SLC6A6: variants seen among roughly 807,000 people sequenced by gnomAD.
The protein encoded by SLC6A6 is solute carrier family 6 member 6, also known as sodium- and chloride-dependent taurine transporter.
Under a neutral mutation model 68.8 loss-of-function variants are expected in SLC6A6, and 16 were observed. The ratio of observed to expected loss-of-function variants is 0.23; its 90% CI spans 0.16 to 0.35. The LOEUF (loss-of-function observed/expected upper bound fraction) is 0.35, where lower values mean the gene tolerates loss of function less well. Ranked by LOEUF, SLC6A6 falls within the 10% of genes least tolerant of loss-of-function variation. SLC6A6 has a pLI of 1.00. For synonymous variants in SLC6A6, 312 were observed against 315.4 expected (o/e 0.99, Z 0.12); for missense variants, 474 against 802.8 (o/e 0.59, Z 4.95).
intron 6 of SLC6A6, 120 bp downstream of exon 6, chr3:14,458,202 C>A: frequency 1.1e-6 from 1 of 879,166 alleles, no homozygotes; most frequent in Non-Finnish European, 1.9e-6. Flanking sequence ...TGGTGGCGTG[C>A]TGGTAAGCCC....
chr3:14,474,256 C>A (rs1268956678), intron 10 of SLC6A6, among the ~76,000 whole-genome samples: 1 of 152,170 alleles, frequency 6.6e-6, no homozygotes, highest in East Asian at 1.9e-4. Flanking sequence ...TTTGCAGATG[C>A]CAGCAGTGTG....
At chr3:14,467,748 C>T (rs757302572) in intron 7 of SLC6A6, 105 bp from the exon 8 acceptor site, 29 of 664,628 alleles carry the variant, frequency 4.4e-5, no homozygotes, top group South Asian at 5.6e-5. Context: ...TGCAAGGTCC[C>T]GTCCCCAGGC....
In SLC6A6 at chr3:14,477,963, C is replaced by T. The variant is rs1184622691; in HGVS notation, c.1348-503C>T. ...GATTGTACTAAGAATGGAAGCCTAG[C>T]ATCAAAGCCAGGGCACGCTCTCTCC... On this transcript the variant is annotated intron_variant, in intron 11 of 14. Coordinates refer to ENST00000622186, the MANE Select transcript of SLC6A6 (RefSeq NM_003043.6). This position sits in a 1 kb window ranked among gnomAD's most constrained non-coding sequence, Gnocchi z 4.2. Among the ~76,000 whole-genome samples the T allele has an allele frequency of 6.6e-6, 1 of 152,118 alleles. No individual in the cohort carries two copies. Among genetic ancestry groups the T allele is most frequent in the Non-Finnish European group, 1.5e-5 (1 of 68,014 alleles).
intron 2 of SLC6A6, among the ~76,000 whole-genome samples, chr3:14,430,192 T>C (rs1185646335): frequency 6.6e-6 from 1 of 152,138 alleles, no homozygotes; most frequent in African/African-American, 2.4e-5. Flanking sequence ...AGCCTGGGAT[T>C]CCAAGAGGAG....
chr3:14,436,703 A>G (rs1699864343), intron 2 of SLC6A6, among the ~76,000 whole-genome samples: 1 of 152,040 alleles, frequency 6.6e-6, no homozygotes, highest in African/African-American at 2.4e-5. Flanking sequence ...ACAGTGGTCC[A>G]GGGAGCCCCA....
intron 1 of SLC6A6, among the ~76,000 whole-genome samples, chr3:14,403,789 C>T (rs943071921): frequency 2.6e-5 from 4 of 152,254 alleles, no homozygotes; most frequent in Admixed American, 6.5e-5. Context: ...GGAAGCCACA[C>T]AGAGAGAATT....
At position 14,468,331 on chromosome 3, in the gene SLC6A6, A is replaced by T; in HGVS notation, c.1096+119A>T. Reference sequence around the variant, plus strand: ...AGGGGGGACGAGCCTGGTTTCTAAAATGGACCCCCCCCCCGCCACCAAGAT... The same window carrying T: ...AGGGGGGACGAGCCTGGTTTCTAAATTGGACCCCCCCCCCGCCACCAAGAT... On this transcript the variant is annotated intron_variant, in intron 9 of 14. Coordinates refer to ENST00000622186, the MANE Select transcript of SLC6A6 (RefSeq NM_003043.6). The surrounding 1 kb of genome is among the most constrained non-coding windows in gnomAD (Gnocchi z 4.5). 6.2e-6 allele frequency: 5 copies of T among 806,266 alleles called. No individual in the cohort carries two copies. Among genetic ancestry groups the T allele is most frequent in the Non-Finnish European group, 7.2e-6 (4 of 552,548 alleles). The allele number at this position is 806,266 out of a possible 1,614,324, so 49.9% of individuals were successfully genotyped here.
At chr3:14,479,745 C>T (rs749876834) in intron 13 of SLC6A6, among the ~76,000 whole-genome samples, 6 of 152,190 alleles carry the variant, frequency 3.9e-5, no homozygotes, top group Non-Finnish European at 5.9e-5. Flanking sequence ...GTTCTTCCCA[C>T]GAGGATGCTC....
In SLC6A6 at chr3:14,445,879, G is replaced by C. The variant is rs372224350; in HGVS notation, c.364+28G>C. On this transcript the variant is annotated intron_variant, in intron 4 of 14. Transcript: ENST00000622186. The stretch of plus-strand genomic sequence containing the variant: ...GAGTATGGGACGGAGGTCACTTGGG[G>C]CCTGGCACTCATCAGTTCCACACAT... The C allele has an allele frequency of 1.1e-4, 178 of 1,612,516 alleles. No individual in the cohort carries two copies. In the African/African-American group the frequency reaches 2.0e-3, roughly 18 times the overall value.
chr3:14,404,798 AGGTCCTG>A lies in SLC6A6; in HGVS notation c.-54+1956_-54+1962del, dbSNP rs201564225. Among the ~76,000 whole-genome samples, 118 of 152,362 alleles carry A rather than the reference AGGTCCTG, an allele frequency of 7.7e-4. 1 individual carries two copies. The East Asian group carries it at 0.019, about 25-fold the overall frequency. On this transcript the variant is annotated intron_variant, in intron 1 of 14. Transcript: ENST00000622186. ...GAGCTGCTGATTAGAGGGTGTCACG[AGGTCCTG>A]GGTCACTGTGGTGTATGGCAAGGGC...
At chr3:14,436,672 C>T (rs1699863747) in intron 2 of SLC6A6, among the ~76,000 whole-genome samples, 1 of 150,406 alleles carries the variant, frequency 6.6e-6, no homozygotes, top group African/African-American at 2.5e-5. Flanking sequence ...TGAGCCTGTA[C>T]CTAGCCCAGA....
At chr3:14,422,109 G>A (rs996903493) in intron 2 of SLC6A6, among the ~76,000 whole-genome samples, 18 of 152,280 alleles carry the variant, frequency 1.2e-4, no homozygotes, top group African/African-American at 4.3e-4. Flanking sequence ...TGTGTTCTAA[G>A]TCAGTGGACA....
chr3:14,448,716 C>T (rs1559301060), intron 5 of SLC6A6, among the ~76,000 whole-genome samples: 1 of 152,336 alleles, frequency 6.6e-6, no homozygotes, highest in Admixed American at 6.5e-5. Context: ...TCAGTAACTA[C>T]AGGGAGGATA....
At chr3:14,420,596 T>C (rs1699464475) in intron 2 of SLC6A6, among the ~76,000 whole-genome samples, 1 of 151,508 alleles carries the variant, frequency 6.6e-6, no homozygotes, top group African/African-American at 2.4e-5. Context: ...ACTCAAGCCT[T>C]CCTCCCACCT....
At chr3:14,444,640 T>A (rs1700070249) in intron 3 of SLC6A6, 2 of 427,618 alleles carry the variant, frequency 4.7e-6, no homozygotes, top group Non-Finnish European at 9.5e-6. Context: ...CAAAGGCTTG[T>A]GTGTCAGCAG....
chr3:14,462,967 C>G (rs1362073617), intron 6 of SLC6A6, among the ~76,000 whole-genome samples: 1 of 152,142 alleles, frequency 6.6e-6, no homozygotes, highest in African/African-American at 2.4e-5. Context: ...TGGGGAGATA[C>G]GTGGCCTGTA....
intron 2 of SLC6A6, among the ~76,000 whole-genome samples, chr3:14,429,842 G>C (rs1184330125): frequency 7.2e-5 from 11 of 152,238 alleles, no homozygotes. Flanking sequence ...TACAGATTAT[G>C]AGGCCCGCTT....
chr3:14,438,204 A>G lies in SLC6A6; in HGVS notation c.-11-5420A>G, dbSNP rs1379754459. Among the ~76,000 whole-genome samples, 3 of 148,474 alleles carry G rather than the reference A, an allele frequency of 2.0e-5. No individual in the cohort carries two copies. The Admixed American group carries it at 2.0e-4, about 10-fold the overall frequency. On this transcript the variant is annotated intron_variant, in intron 2 of 14. Coordinates refer to ENST00000622186, the MANE Select transcript of SLC6A6 (RefSeq NM_003043.6). Reference sequence around the variant, plus strand: ...AATGGTTGCCACAAAGTATAATAGAATTGCAATGTGGCTGTTTTTTTTTTT... The same window carrying G: ...AATGGTTGCCACAAAGTATAATAGAGTTGCAATGTGGCTGTTTTTTTTTTT...
chr3:14,466,391 C>A, intron 6 of SLC6A6, 125 bp from the exon 7 acceptor site: 1 of 1,113,762 alleles, frequency 9.0e-7, no homozygotes, highest in Non-Finnish European at 1.3e-6. Flanking sequence ...GCAAGTAAGA[C>A]AGCAAACCTG....
Sources: gnomAD v4.1 joint callset for allele counts (sites outside exome capture counted in the v4.1 genomes callset) on GRCh38, gnomAD v4.1.1 for gene constraint, Gnocchi (gnomAD v3.1) non-coding constraint, MANE v1.5 for transcripts, NCBI Gene and HGNC (gene_info 2026-07-23, HGNC 2026-07-21) for gene names.